The following MAP4K5 variants were observed in gnomAD, a reference collection of about 807,000 sequenced individuals.
MAP4K5 encodes MAPK/ERK kinase kinase kinase 5.
In MAP4K5, 82 loss-of-function variants were observed where a neutral mutation model predicts 135.6. That is an observed-to-expected ratio of 0.60 (90% CI 0.51 to 0.73). MAP4K5 has a LOEUF of 0.73. Ranked by LOEUF, MAP4K5 falls within the 30% of genes least tolerant of loss-of-function variation. The pLI, the probability that MAP4K5 is intolerant of heterozygous loss-of-function variation, is 0.00. For synonymous variants in MAP4K5, 347 were observed against 335.0 expected, an observed-to-expected ratio of 1.04 and a Z score of -0.39; for missense variants, 907 against 1,010.9, an observed-to-expected ratio of 0.90 and a Z score of 1.39.
At chr14:50,437,836 A>G in intron 25 of MAP4K5, 58 bp downstream of exon 25, 4 of 1,108,042 alleles carry the variant, frequency 3.6e-6, no homozygotes, top group Non-Finnish European at 5.5e-6. Context: ...AATACGGGCT[A>G]TTTTTAAAAT....
chr14:50,519,566 A>G (rs1261414822), intron 2 of MAP4K5, among the ~76,000 whole-genome samples: 1 of 152,134 alleles, frequency 6.6e-6, no homozygotes, highest in Admixed American at 6.5e-5. Flanking sequence ...AAGCAGGAGA[A>G]TTGCTTGAAC....
chr14:50,487,426 T>C (rs2037388578), intron 3 of MAP4K5, among the ~76,000 whole-genome samples: 1 of 152,230 alleles, frequency 6.6e-6, no homozygotes, highest in South Asian at 2.1e-4. Context: ...TAACTGATAG[T>C]TCAGTTACAG....
At chr14:50,451,481 A>C (rs2036484021) in intron 14 of MAP4K5, among the ~76,000 whole-genome samples, 1 of 152,206 alleles carries the variant, frequency 6.6e-6, no homozygotes, top group Non-Finnish European at 1.5e-5. Flanking sequence ...TCAGCCCAAG[A>C]TAGAATACAA....
chr14:50,466,502 A>C, intron 11 of MAP4K5, 81 bp downstream of exon 11: 1 of 683,428 alleles, frequency 1.5e-6, no homozygotes, highest in Non-Finnish European at 2.5e-6. Flanking sequence ...ACTTCTGTTT[A>C]ATCATCTGCA....
At chr14:50,500,576 G>C (rs1481716224) in intron 3 of MAP4K5, among the ~76,000 whole-genome samples, 2 of 152,196 alleles carry the variant, frequency 1.3e-5, no homozygotes, top group African/African-American at 4.8e-5. Flanking sequence ...AAGTTGATAT[G>C]AAAGCTTCAG....
intron 28 of MAP4K5, 145 bp downstream of exon 28, chr14:50,434,249 C>A (rs2036038472): frequency 1.6e-6 from 1 of 611,360 alleles, no homozygotes; most frequent in African/African-American, 1.9e-5. Context: ...AATATACGTA[C>A]ACGGTTCTAT....
At chr14:50,468,513 G>T in intron 10 of MAP4K5, 138 bp downstream of exon 10, 1 of 814,158 alleles carries the variant, frequency 1.2e-6, no homozygotes, top group Non-Finnish European at 1.9e-6. Flanking sequence ...ATAGGTTTTG[G>T]ATGAGATTAC....
Position 50,532,050 on chromosome 14 carries a change from CT to C in MAP4K5, c.-2del. The C allele has an allele frequency of 6.4e-7, 1 of 1,554,016 alleles. No individual in the cohort carries two copies. The highest frequency in any genetic ancestry group is 8.7e-7 in the Non-Finnish European group (1 of 1,145,050). On this transcript the variant is annotated 5_prime_UTR_variant, in exon 2 of 33. Coordinates refer to ENST00000682126, the MANE Select transcript of MAP4K5 (RefSeq NM_006575.6). ...CGGCAGGCCGCAGCGGGGCCTCCAT[CT>C]TCACTTAGGGCCCGGCCCCCGCCAG...
At chr14:50,480,532 C>T (rs1190822905) in intron 6 of MAP4K5, among the ~76,000 whole-genome samples, 2 of 151,866 alleles carry the variant, frequency 1.3e-5, no homozygotes, top group East Asian at 3.9e-4. Context: ...TTTTTAGATC[C>T]CACAAATAAG....
In MAP4K5 at chr14:50,523,981, G is replaced by A. The variant is rs192958934; in HGVS notation, c.108+7961C>T. Among the ~76,000 whole-genome samples, 290 of 152,318 alleles carry A rather than the reference G, an allele frequency of 1.9e-3. 1 individual carries two copies. The highest frequency in any genetic ancestry group is 3.5e-3 in the Non-Finnish European group (241 of 68,026). ...CAAACAAGGCTCCAGATCAGAAAGG[G>A]AGGGAGGTTTTTACATTTATCCCCT... On this transcript the variant is annotated intron_variant, in intron 2 of 32. Transcript: ENST00000682126.
chr14:50,560,368 G>A, intron 1 of MAP4K5: 1 of 1,579,998 alleles, frequency 6.3e-7, no homozygotes. Flanking sequence ...TGCTTCTGTG[G>A]AGACAGGGAG....
chr14:50,464,741 A>G (rs1452074681), intron 11 of MAP4K5, among the ~76,000 whole-genome samples: 3 of 152,246 alleles, frequency 2.0e-5, no homozygotes, highest in African/African-American at 7.2e-5. Flanking sequence ...GAGAATGGAC[A>G]AGAACTAAAG....
intron 8 of MAP4K5, among the ~76,000 whole-genome samples, 168 bp downstream of exon 8, chr14:50,475,960 A>T (rs1269371054): frequency 1.3e-5 from 2 of 152,158 alleles, no homozygotes; most frequent in Non-Finnish European, 2.9e-5. Flanking sequence ...ATTTCCTTAA[A>T]ATGAGTTTTG....
intron 2 of MAP4K5, among the ~76,000 whole-genome samples, chr14:50,521,022 T>C (rs577944597): frequency 6.6e-6 from 1 of 152,142 alleles, no homozygotes; most frequent in African/African-American, 2.4e-5. Context: ...GGTTTCAACA[T>C]GTTGGCCAGG....
chr14:50,443,820 A>G (rs780007645), intron 19 of MAP4K5, 50 bp from the exon 20 acceptor site: 4 of 1,536,730 alleles, frequency 2.6e-6, no homozygotes, highest in Non-Finnish European at 3.5e-6. Flanking sequence ...AGTCTTAAAA[A>G]GAAACTTGAG....
intron 3 of MAP4K5, among the ~76,000 whole-genome samples, chr14:50,496,827 TAA>T (rs1167479679): frequency 6.6e-6 from 1 of 150,428 alleles, no homozygotes; most frequent in African/African-American, 2.5e-5. Flanking sequence ...AAAATAAAAA[TAA>T]AAATAAAAAT....
chr14:50,462,513 C>T (rs995397872), intron 13 of MAP4K5, among the ~76,000 whole-genome samples, 152 bp downstream of exon 13: 2 of 152,110 alleles, frequency 1.3e-5, no homozygotes, highest in African/African-American at 4.8e-5. Context: ...TAATTATGTG[C>T]AGGAAAAGTG....
In MAP4K5 at chr14:50,443,711, C is replaced by T. The variant is rs765882669; in HGVS notation, c.1479+18G>A. 21 of 1,575,610 alleles carry T rather than the reference C, an allele frequency of 1.3e-5. No individual in the cohort carries two copies. The highest frequency in any genetic ancestry group is 1.8e-5 in the Non-Finnish European group (21 of 1,168,452). ...GAGAGAAAAAACGGCAAATAGTTCA[C>T]ATAAAAATATTCCTTACCAGAACTT... On this transcript the variant is annotated intron_variant, in intron 20 of 32. Coordinates refer to ENST00000682126, the MANE Select transcript of MAP4K5 (RefSeq NM_006575.6).
chr14:50,548,007 C>A (rs2038655296), intron 1 of MAP4K5, among the ~76,000 whole-genome samples: 1 of 152,188 alleles, frequency 6.6e-6, no homozygotes, highest in Non-Finnish European at 1.5e-5. Context: ...ATGCTAACCT[C>A]AGAGTCTCTT....
Sources: gnomAD v4.1 joint callset for allele counts (sites outside exome capture counted in the v4.1 genomes callset) on GRCh38, gnomAD v4.1.1 for gene constraint, MANE v1.5 for transcripts, NCBI Gene and HGNC (gene_info 2026-07-23, HGNC 2026-07-21) for gene names.